The following COL24A1 variants were observed in gnomAD, a reference collection of about 807,000 sequenced individuals.
COL24A1 encodes the protein collagen alpha-1(XXIV) chain.
A neutral mutation model predicts 253.9 loss-of-function variants in COL24A1; 224 were observed. The ratio of observed to expected loss-of-function variants is 0.88; its 90% CI spans 0.79 to 0.99. COL24A1 has a LOEUF of 0.99. Ranked by LOEUF, COL24A1 falls within the 50% of genes least tolerant of loss-of-function variation. The pLI is 0.00. For missense variants in COL24A1, 2,131 were observed against 2,068.5 expected, an observed-to-expected ratio of 1.03 and a Z score of -0.59; for synonymous variants, 685 against 673.7, an observed-to-expected ratio of 1.02 and a Z score of -0.26.
At chr1:86,121,895 C>A (rs1647411766) in intron 3 of COL24A1, among the ~76,000 whole-genome samples, 1 of 151,950 alleles carries the variant, frequency 6.6e-6, no homozygotes, top group South Asian at 2.1e-4. Flanking sequence ...TGATTCAGAA[C>A]CTAATAGGTT....
chr1:86,105,806 G>A (rs1704928214), intron 5 of COL24A1, among the ~76,000 whole-genome samples: 1 of 152,194 alleles, frequency 6.6e-6, no homozygotes, highest in Admixed American at 6.5e-5. Flanking sequence ...GAGGCCTGTG[G>A]TGAAAGCAGG....
chr1:85,960,897 A>G (rs1690979247), intron 24 of COL24A1: 1 of 95,696 alleles, frequency 1.0e-5, no homozygotes, highest in South Asian at 3.5e-4. Context: ...AAATAAATAA[A>G]TAAATAAATA....
chr1:85,760,921 G>T (rs1438267389), intron 55 of COL24A1, among the ~76,000 whole-genome samples: 1 of 152,130 alleles, frequency 6.6e-6, no homozygotes, highest in African/African-American at 2.4e-5. Flanking sequence ...CAAGTTTTGG[G>T]TCATAGTAGT....
chr1:85,846,726 C>T (rs1677180082), intron 39 of COL24A1, among the ~76,000 whole-genome samples: 1 of 151,886 alleles, frequency 6.6e-6, no homozygotes, highest in East Asian at 1.9e-4. Context: ...GATGAAACCT[C>T]TTGGGAAGGT....
At chr1:86,058,724 T>C (rs868075207) in intron 9 of COL24A1, among the ~76,000 whole-genome samples, 6 of 150,540 alleles carry the variant, frequency 4.0e-5, no homozygotes, top group African/African-American at 1.5e-4. Context: ...TTGGTAGTGG[T>C]ATACTGTTTC....
intron 47 of COL24A1, among the ~76,000 whole-genome samples, chr1:85,798,818 TAGTC>T (rs1671098392): frequency 6.6e-6 from 1 of 152,216 alleles, no homozygotes; most frequent in Admixed American, 6.5e-5. Context: ...GATTTGTCCT[TAGTC>T]AAGTCGTTAG....
At chr1:85,892,242 T>C (rs1034248748) in intron 31 of COL24A1, among the ~76,000 whole-genome samples, 2 of 152,092 alleles carry the variant, frequency 1.3e-5, no homozygotes, top group Non-Finnish European at 2.9e-5. Context: ...TAATTTTATA[T>C]ATATATAACT....
Position 85,849,415 on chromosome 1 carries a change from T to G in COL24A1, c.3301-9A>C, listed in dbSNP as rs1315883104. On this transcript the variant is annotated splice_polypyrimidine_tract_variant and intron_variant, in intron 37 of 59. Coordinates refer to ENST00000370571, the MANE Select transcript of COL24A1 (RefSeq NM_152890.7). ...ACAATTCCTTCAGGTCCCTAAAATA[T>G]TCAATATAAAAAAGGAAATAAATGG... The G allele has an allele frequency of 1.2e-6, 2 of 1,605,720 alleles. No individual in the cohort carries two copies. Among genetic ancestry groups the G allele is most frequent in the Non-Finnish European group, 1.7e-6 (2 of 1,174,132 alleles).
intron 57 of COL24A1, among the ~76,000 whole-genome samples, chr1:85,742,570 C>T (rs1288578585): frequency 6.6e-6 from 1 of 152,142 alleles, no homozygotes; most frequent in African/African-American, 2.4e-5. Context: ...CTTGAGTAGT[C>T]AACTACCTAC....
At chr1:85,833,684 C>G (rs891292109) in intron 43 of COL24A1, among the ~76,000 whole-genome samples, 12 of 152,036 alleles carry the variant, frequency 7.9e-5, no homozygotes, top group African/African-American at 1.7e-4. Flanking sequence ...TATTGTGGCA[C>G]TATTCACAAT....
chr1:85,799,787 T>C (rs1378463146), intron 47 of COL24A1, among the ~76,000 whole-genome samples: 1 of 152,194 alleles, frequency 6.6e-6, no homozygotes, highest in East Asian at 1.9e-4. Context: ...ACACATGACA[T>C]CCTAATATTC....
chr1:85,767,710 C>G (rs1558044881), intron 53 of COL24A1, among the ~76,000 whole-genome samples: 1 of 151,938 alleles, frequency 6.6e-6, no homozygotes, highest in African/African-American at 2.4e-5. Context: ...TTCCCATCTC[C>G]CTTGGGTACT....
intron 8 of COL24A1, among the ~76,000 whole-genome samples, chr1:86,062,617 T>C (rs1013511963): frequency 3.9e-5 from 6 of 152,126 alleles, no homozygotes; most frequent in Non-Finnish European, 8.8e-5. Flanking sequence ...TTTCCTCCAT[T>C]GGAATCCACG....
At chr1:86,002,672 T>C (rs1403104095) in intron 19 of COL24A1, among the ~76,000 whole-genome samples, 2 of 152,102 alleles carry the variant, frequency 1.3e-5, no homozygotes, top group Non-Finnish European at 2.9e-5. Context: ...AGATGGCTAG[T>C]ACAATAGAGA....
intron 23 of COL24A1, 85 bp from the exon 24 acceptor site, chr1:85,961,378 T>A: frequency 9.1e-7 from 1 of 1,095,158 alleles, no homozygotes. Context: ...CTTTTTAATG[T>A]AATTATCTAG....
chr1:85,929,713 C>T (rs1687626122), intron 24 of COL24A1, among the ~76,000 whole-genome samples: 1 of 127,252 alleles, frequency 7.9e-6, no homozygotes, highest in Non-Finnish European at 1.6e-5. Flanking sequence ...TGTAAAAGAA[C>T]AGAAATTATA....
intron 24 of COL24A1, among the ~76,000 whole-genome samples, chr1:85,927,256 T>C (rs1317970913): frequency 2.0e-5 from 3 of 152,308 alleles, no homozygotes; most frequent in Middle Eastern, 3.4e-3. Flanking sequence ...GGGCAAGGCA[T>C]TGCCTCACCT....
At chr1:86,148,312 A>G (rs9433426) in intron 1 of COL24A1, among the ~76,000 whole-genome samples, 119,439 of 151,980 alleles carry the variant, frequency 0.79, 47,837 homozygotes, top group Admixed American at 0.86. Context: ...AGCCTCCTGA[A>G]TAGCTGGAAT....
intron 19 of COL24A1, among the ~76,000 whole-genome samples, chr1:85,995,823 C>T (rs902635728): frequency 2.6e-5 from 4 of 152,022 alleles, no homozygotes; most frequent in African/African-American, 9.7e-5. Flanking sequence ...TGTGTGGCAC[C>T]TCTCCCTTCT....
Sources: gnomAD v4.1 joint callset for allele counts (sites outside exome capture counted in the v4.1 genomes callset) on GRCh38, gnomAD v4.1.1 for gene constraint, MANE v1.5 for transcripts, NCBI Gene and HGNC (gene_info 2026-07-23, HGNC 2026-07-21) for gene names.